Variants in CADPS2 observed in about 807,000 individuals in gnomAD.
CADPS2 encodes the protein calcium-dependent secretion activator 2.
A neutral mutation model predicts 172.5 loss-of-function variants in CADPS2; 93 were observed. The ratio of observed to expected loss-of-function variants is 0.54; its 90% confidence interval spans 0.46 to 0.64. CADPS2 has a LOEUF of 0.64. Among genes scored for constraint, CADPS2 ranks in the 30% least tolerant of loss-of-function variants. CADPS2 has a pLI of 0.00. For missense variants in CADPS2, 1,420 were observed against 1,565.9 expected, an observed-to-expected ratio of 0.91 and a Z score of 1.57; for synonymous variants, 546 against 555.2, an observed-to-expected ratio of 0.98 and a Z score of 0.23.
At chr7:122,726,699 T>C (rs2091122884) in intron 2 of CADPS2, among the ~76,000 whole-genome samples, 1 of 151,486 alleles carries the variant, frequency 6.6e-6, no homozygotes, top group African/African-American at 2.4e-5. Context: ...AATGGGATTA[T>C]TTACTCTTAA....
At chr7:122,326,573 G>C (rs940845661) in intron 28 of CADPS2, among the ~76,000 whole-genome samples, 4 of 151,936 alleles carry the variant, frequency 2.6e-5, no homozygotes, top group African/African-American at 9.7e-5. Context: ...AAAGAGTTTT[G>C]AAAGACAGGA....
At chr7:122,538,225 C>T (rs931977998) in intron 8 of CADPS2, among the ~76,000 whole-genome samples, 1 of 150,990 alleles carries the variant, frequency 6.6e-6, no homozygotes, top group South Asian at 2.1e-4. Context: ...GTTAATATAC[C>T]TTTGATTCCT....
At chr7:122,670,405 A>G (rs2081687097) in intron 2 of CADPS2, among the ~76,000 whole-genome samples, 1 of 151,854 alleles carries the variant, frequency 6.6e-6, no homozygotes, top group Admixed American at 6.6e-5. Context: ...CCCTGTCTCT[A>G]CAATAAAATT....
intron 11 of CADPS2, among the ~76,000 whole-genome samples, chr7:122,486,657 C>T (rs1007713783): frequency 5.1e-4 from 77 of 152,188 alleles, no homozygotes; most frequent in Non-Finnish European, 1.2e-4. Context: ...GTTCGTAAAG[C>T]AGAGGTAAAG....
intron 1 of CADPS2, among the ~76,000 whole-genome samples, chr7:122,799,476 G>A (rs540221423): frequency 2.4e-4 from 37 of 151,868 alleles, no homozygotes; most frequent in Admixed American, 6.6e-4. Flanking sequence ...GGTGGTGGGC[G>A]CCTGTAGTCC....
chr7:122,830,063 C>A (rs1048199073), intron 1 of CADPS2, among the ~76,000 whole-genome samples: 4 of 151,328 alleles, frequency 2.6e-5, no homozygotes, highest in Admixed American at 2.6e-4. Context: ...ATCACTGTTT[C>A]AAGGAGAGAA....
intron 9 of CADPS2, among the ~76,000 whole-genome samples, chr7:122,498,717 T>C (rs976679874): frequency 6.6e-6 from 1 of 152,204 alleles, no homozygotes; most frequent in Non-Finnish European, 1.5e-5. Flanking sequence ...TTTCCAAATC[T>C]GCTGGTTCAC....
intron 1 of CADPS2, among the ~76,000 whole-genome samples, chr7:122,851,300 A>C (rs2141102501): frequency 6.6e-6 from 1 of 152,202 alleles, no homozygotes; most frequent in East Asian, 1.9e-4. Context: ...GGAGTCCTTG[A>C]GCTTAAAGTC....
intron 19 of CADPS2, among the ~76,000 whole-genome samples, chr7:122,408,958 A>C (rs1376610720): frequency 2.0e-5 from 3 of 152,242 alleles, no homozygotes; most frequent in Non-Finnish European, 1.5e-5. Context: ...AGAACAGTGT[A>C]GTATAAAATA....
At chr7:122,664,881 C>T (rs2081020779) in intron 2 of CADPS2, among the ~76,000 whole-genome samples, 2 of 152,012 alleles carry the variant, frequency 1.3e-5, no homozygotes, top group East Asian at 3.9e-4. Context: ...ACATCCCAGG[C>T]TCAAGCAATC....
intron 3 of CADPS2, among the ~76,000 whole-genome samples, chr7:122,657,969 A>G (rs1042610315): frequency 2.6e-5 from 4 of 152,164 alleles, no homozygotes; most frequent in Non-Finnish European, 5.9e-5. Context: ...AGAATGGGAG[A>G]AAATTTTTGC....
intron 6 of CADPS2, 100 bp downstream of exon 6, chr7:122,615,081 G>T: frequency 3.3e-6 from 2 of 609,520 alleles, no homozygotes; most frequent in Non-Finnish European, 2.8e-6. Flanking sequence ...CAGTTTTAGA[G>T]GGTAATACCA....
intron 1 of CADPS2, among the ~76,000 whole-genome samples, chr7:122,803,974 GAAAAAAAAA>G (rs869246600): frequency 4.7e-5 from 4 of 85,122 alleles, no homozygotes; most frequent in African/African-American, 8.6e-5. Context: ...GGCTTGAATG[GAAAAAAAAA>G]AAAAAAAAAA....
At chr7:122,481,334 C>G (rs1413108873) in intron 11 of CADPS2, among the ~76,000 whole-genome samples, 1 of 152,088 alleles carries the variant, frequency 6.6e-6, no homozygotes, top group African/African-American at 2.4e-5. Flanking sequence ...TTGTTGTTAA[C>G]AAATTGAAAC....
At chr7:122,444,587 T>C (rs897283375) in intron 15 of CADPS2, among the ~76,000 whole-genome samples, 4 of 152,184 alleles carry the variant, frequency 2.6e-5, no homozygotes, top group African/African-American at 9.6e-5. Context: ...CATCTTTCCA[T>C]ATGCCTTTTT....
chr7:122,448,466 A>G (rs1395091266), intron 15 of CADPS2, among the ~76,000 whole-genome samples: 3 of 152,208 alleles, frequency 2.0e-5, no homozygotes, highest in African/African-American at 4.8e-5. Context: ...ACATATTTAG[A>G]GAAATTATCC....
At chr7:122,532,774 GTT>G (rs1192864705) in intron 8 of CADPS2, among the ~76,000 whole-genome samples, 1 of 152,120 alleles carries the variant, frequency 6.6e-6, no homozygotes, top group African/African-American at 2.4e-5. Flanking sequence ...AAAGTATACA[GTT>G]ATATTTCCCG....
intron 14 of CADPS2, among the ~76,000 whole-genome samples, chr7:122,462,897 T>A (rs1040975123): frequency 6.6e-6 from 1 of 152,162 alleles, no homozygotes; most frequent in Admixed American, 6.5e-5. Context: ...GAAGATCACT[T>A]GAGCCCAGGA....
At chr7:122,666,891 G>C (rs905686505) in intron 2 of CADPS2, among the ~76,000 whole-genome samples, 2 of 152,050 alleles carry the variant, frequency 1.3e-5, no homozygotes, top group Non-Finnish European at 2.9e-5. Flanking sequence ...CCAATCCCCT[G>C]CAAGTCTCCC....
Sources: allele counts gnomAD v4.1 joint callset (sites outside exome capture counted in the v4.1 genomes callset), GRCh38; gene constraint gnomAD v4.1.1; transcripts MANE v1.5; gene names NCBI Gene and HGNC (gene_info 2026-07-23, HGNC 2026-07-21).